HIGD2B: variants seen among roughly 807,000 people sequenced by gnomAD.
The protein encoded by HIGD2B is HIG1 domain family member 2B.
For synonymous variants in HIGD2B, 45 were observed against 28.1 expected (o/e 1.60, Z -1.90); for missense variants, 106 against 67.0 (o/e 1.58, Z -2.03).
intron 2 of HIGD2B, among the ~76,000 whole-genome samples, chr15:72,679,169 G>A (rs2064723050): frequency 6.6e-6 from 1 of 151,716 alleles, no homozygotes; most frequent in African/African-American, 2.4e-5. Flanking sequence ...TTTGAGAGCA[G>A]CCTCGTTAAC....
rs76177858 is a variant in HIGD2B at position 72,676,097 on chromosome 15, A to T, written c.278T>A (p.Ile93Asn). Residue 93 changes from isoleucine to asparagine, a missense_variant, in exon 3 of 3, where the codon ATC becomes AAC. Ile to Asn is a moderately radical substitution (Grantham distance 149). Transcript: ENST00000311755. ...IAAQGFTIAAILLGLAATAMK... is the reference protein window; with the variant it reads ...IAAQGFTIAANLLGLAATAMK... ...AGCGGTGGCAGCTAGACCCAGCAAG[A>T]TGGCTGCAATGGTGAAGCCCTGGGC... 3.9e-6 allele frequency: 3 copies of T among 765,146 alleles called. No individual in the cohort carries two copies. The highest frequency in any genetic ancestry group is 1.7e-5 in the Admixed American group (1 of 58,720). The allele number at this position is 765,146 out of a possible 1,614,324, so 47.4% of individuals were successfully genotyped here.
Position 72,686,132 on chromosome 15 carries a change from G to A in HIGD2B, c.-507C>T, listed in dbSNP as rs1157942284. On this transcript the variant is annotated 5_prime_UTR_variant, in exon 1 of 3. Coordinates refer to ENST00000311755, the MANE Select transcript of HIGD2B (RefSeq NM_001350932.3). ...ACTCGGCGATTTACTTCCTTCCCCC[G>A]CTTCCTCACAGTCCTCCACAGCCCT... The A allele has an allele frequency of 1.5e-6, 2 of 1,305,884 alleles. No individual in the cohort carries two copies. Among genetic ancestry groups the A allele is most frequent in the East Asian group, 2.5e-5 (1 of 39,772 alleles). The allele number at this position is 1,305,884 out of a possible 1,614,324, so 80.9% of individuals were successfully genotyped here. A position where few individuals can be genotyped will look rare whatever the true frequency, so the allele number is the denominator to read the frequency against.
chr15:72,676,937 A>G (rs185667715), intron 2 of HIGD2B, among the ~76,000 whole-genome samples: 36 of 152,328 alleles, frequency 2.4e-4, no homozygotes, highest in African/African-American at 8.7e-4. Context: ...AAAACTGCAC[A>G]GAACTAAATA....
chr15:72,685,176 TTTC>T (rs1484855788), intron 1 of HIGD2B, among the ~76,000 whole-genome samples: 1 of 152,196 alleles, frequency 6.6e-6, no homozygotes, highest in Non-Finnish European at 1.5e-5. Flanking sequence ...ACCGTACTTG[TTTC>T]TTCTATGTAA....
In HIGD2B at chr15:72,676,125, C is replaced by T. The variant is rs746026232; in HGVS notation, c.250G>A (p.Ala84Thr). The T allele has an allele frequency of 1.3e-5, 10 of 765,114 alleles. No individual in the cohort carries two copies. The Admixed American group carries it at 1.5e-4, about 12-fold the overall frequency. The allele number at this position is 765,114 out of a possible 1,614,324, so 47.4% of individuals were successfully genotyped here. Reference sequence around the variant, plus strand: ...GCTGCAATGGTGAAGCCCTGGGCGGCGATCTGGGTGTGCATCATAAGCCGT... The same window carrying T: ...GCTGCAATGGTGAAGCCCTGGGCGGTGATCTGGGTGTGCATCATAAGCCGT... ...CSRLMMHTQI[A>T]AQGFTIAAIL... Residue 84 changes from alanine to threonine, a missense_variant, in exon 3 of 3, where the codon GCC (alanine) becomes ACC (threonine). Physicochemically the swap from Ala to Thr is moderately conservative, Grantham distance 58. Coordinates refer to ENST00000311755, the MANE Select transcript of HIGD2B (RefSeq NM_001350932.3).
At chr15:72,676,574 C>G (rs1290391233) in intron 2 of HIGD2B, among the ~76,000 whole-genome samples, 187 bp from the exon 3 acceptor site, 1 of 152,032 alleles carries the variant, frequency 6.6e-6, no homozygotes, top group African/African-American at 2.4e-5. Flanking sequence ...CCATGCCAGG[C>G]TAATTTTCAT....
intron 2 of HIGD2B, among the ~76,000 whole-genome samples, chr15:72,678,553 T>C (rs2064715917): frequency 6.6e-6 from 1 of 152,044 alleles, no homozygotes; most frequent in Non-Finnish European, 1.5e-5. Context: ...CCTCCTACCT[T>C]GTGCTCCCAA....
chr15:72,681,252 A>C (rs2064746459), intron 1 of HIGD2B, among the ~76,000 whole-genome samples: 1 of 152,064 alleles, frequency 6.6e-6, no homozygotes, highest in Non-Finnish European at 1.5e-5. Flanking sequence ...TTCCTTATAA[A>C]TTCTATAGCT....
At chr15:72,680,882 C>CAA (rs138011249) in intron 1 of HIGD2B, among the ~76,000 whole-genome samples, 3 of 147,610 alleles carry the variant, frequency 2.0e-5, no homozygotes, top group Non-Finnish European at 4.5e-5. Context: ...AATTCTGTCT[C>CAA]AAAAAAAAAC....
intron 1 of HIGD2B, among the ~76,000 whole-genome samples, chr15:72,683,205 A>C (rs1309592136): frequency 6.6e-6 from 1 of 152,224 alleles, no homozygotes; most frequent in Non-Finnish European, 1.5e-5. Flanking sequence ...AGTTTCTTAC[A>C]CTTTAGTGAA....
At chr15:72,681,599 A>AT (rs1266238285) in intron 1 of HIGD2B, among the ~76,000 whole-genome samples, 5 of 117,396 alleles carry the variant, frequency 4.3e-5, no homozygotes, top group African/African-American at 6.8e-5. Context: ...TTGAACCAAA[A>AT]TTTTTTTTTT....
chr15:72,683,060 G>C (rs1339075046), intron 1 of HIGD2B, among the ~76,000 whole-genome samples: 2 of 152,220 alleles, frequency 1.3e-5, no homozygotes, highest in Non-Finnish European at 2.9e-5. Context: ...AGACGTAATG[G>C]CTTCTACTTT....
chr15:72,681,275 T>C (rs1266072087), intron 1 of HIGD2B, among the ~76,000 whole-genome samples: 1 of 152,110 alleles, frequency 6.6e-6, no homozygotes, highest in Non-Finnish European at 1.5e-5. Context: ...GGAGAATAAA[T>C]AAGAGGCTCC....
chr15:72,676,413 T>A, intron 2 of HIGD2B, 26 bp from the exon 3 acceptor site: 1 of 672,692 alleles, frequency 1.5e-6, no homozygotes, highest in Non-Finnish European at 2.7e-6. Context: ...CTTTGTTTTT[T>A]TTTTTTTTTG....
At chr15:72,681,647 A>G (rs570776097) in intron 1 of HIGD2B, among the ~76,000 whole-genome samples, 1 of 132,310 alleles carries the variant, frequency 7.6e-6, no homozygotes, top group South Asian at 2.4e-4. Context: ...TCTGTCGCCC[A>G]GGCTGGAGTG....
chr15:72,676,557 C>A (rs572972803), intron 2 of HIGD2B, among the ~76,000 whole-genome samples, 170 bp from the exon 3 acceptor site: 1 of 152,132 alleles, frequency 6.6e-6, no homozygotes, highest in African/African-American at 2.4e-5. Flanking sequence ...ATTACAGGAA[C>A]ATGCCACCAT....
chr15:72,678,548 T>A (rs1286017089), intron 2 of HIGD2B, among the ~76,000 whole-genome samples: 4 of 152,096 alleles, frequency 2.6e-5, no homozygotes, highest in Non-Finnish European at 4.4e-5. Context: ...GTGATCCTCC[T>A]ACCTTGTGCT....
At chr15:72,683,438 CT>C (rs11329719) in intron 1 of HIGD2B, among the ~76,000 whole-genome samples, 112,323 of 125,066 alleles carry the variant, frequency 0.9, 50,827 homozygotes, top group East Asian at 0.97. Context: ...TCAATTCCTC[CT>C]TTTTTTTTTT....
chr15:72,683,565 G>C (rs1466239547), intron 1 of HIGD2B, among the ~76,000 whole-genome samples: 1 of 151,998 alleles, frequency 6.6e-6, no homozygotes, highest in Non-Finnish European at 1.5e-5. Context: ...CTGTGGGTTG[G>C]GCGGGGTGGC....
Sources: allele counts gnomAD v4.1 joint callset (sites outside exome capture counted in the v4.1 genomes callset), GRCh38; gene constraint gnomAD v4.1.1; transcripts MANE v1.5; gene names NCBI Gene and HGNC (gene_info 2026-07-23, HGNC 2026-07-21).